Variants in ATP2A3 observed in about 807,000 individuals in gnomAD.
The protein encoded by ATP2A3 is ATPase sarcoplasmic/endoplasmic reticulum Ca2+ transporting 3.
Under a neutral mutation model 106.8 loss-of-function variants are expected in ATP2A3, and 61 were observed. The observed-to-expected ratio is 0.57, with a 90% CI of 0.46 to 0.71. The LOEUF is 0.71. ATP2A3 is among the 30% of genes least tolerant of loss of function. ATP2A3 has a pLI of 0.00. For synonymous variants in ATP2A3, 611 were observed against 609.3 expected, an observed-to-expected ratio of 1.00 and a Z score of -0.04; for missense variants, 1,201 against 1,423.5, an observed-to-expected ratio of 0.84 and a Z score of 2.52.
At position 3,928,617 on chromosome 17, in the gene ATP2A3, GC is replaced by G. The variant is rs1567675202; in HGVS notation, c.2980+45del. On this transcript the variant is annotated intron_variant, in intron 20 of 20. Coordinates refer to ENST00000397041, the MANE Select transcript of ATP2A3 (RefSeq NM_005173.4). The surrounding 1 kb of genome is among the most constrained non-coding windows in gnomAD (Gnocchi z 6.1). ...CGTCCACTGCAGCCCAGGAGCAGAG[GC>G]GGGCGGGGAGGCAGGCTGGAGGCGG... 1 of 1,477,942 alleles carries G rather than the reference GC, an allele frequency of 6.8e-7. No individual in the cohort carries two copies. Among genetic ancestry groups the G allele is most frequent in the Admixed American group, 2.0e-5 (1 of 50,908 alleles). The allele number at this position is 1,477,942 out of a possible 1,614,324, so 91.6% of individuals were successfully genotyped here.
At chr17:3,939,180 G>A (rs1020218832) in intron 14 of ATP2A3, among the ~76,000 whole-genome samples, 5 of 152,042 alleles carry the variant, frequency 3.3e-5, no homozygotes, top group Non-Finnish European at 7.4e-5. Flanking sequence ...AACAAAAAAA[G>A]AATTAGATTA....
chr17:3,927,185 C>T, intron 20 of ATP2A3: 6 of 985,460 alleles, frequency 6.1e-6, no homozygotes, highest in Non-Finnish European at 6.0e-6. Flanking sequence ...AGCCTGTCCC[C>T]TCCCGCTAGG....
rs1218370277 is a variant in ATP2A3, at chr17:3,925,207, C to T, written c.*215G>A. 1.9e-5 allele frequency: 13 copies of T among 700,622 alleles called. No homozygotes were observed. The highest frequency in any genetic ancestry group is 2.9e-5 in the Non-Finnish European group (12 of 415,542). 43.4% of individuals were successfully genotyped at this position (700,622 alleles called of 1,614,324 possible). A position where few individuals can be genotyped will look rare whatever the true frequency, so the allele number is the denominator to read the frequency against. ...GAACTTCCCAGGAGAGTCCAGGAGA[C>T]AGGAATTACAGACCTCCCAGGCCAG... is the stretch of plus-strand genomic sequence containing the variant. On this transcript the variant is annotated 3_prime_UTR_variant, in exon 21 of 21. Coordinates refer to ENST00000397041, the MANE Select transcript of ATP2A3 (RefSeq NM_005173.4). The surrounding 1 kb of genome is among the most constrained non-coding windows in gnomAD (Gnocchi z 4.2).
At chr17:3,954,300 C>A (rs2054627982) in intron 1 of ATP2A3, among the ~76,000 whole-genome samples, 1 of 151,998 alleles carries the variant, frequency 6.6e-6, no homozygotes, top group Non-Finnish European at 1.5e-5. Flanking sequence ...CAGCAGGGCT[C>A]CCCTGGACAG....
chr17:3,959,434 T>C (rs2055011952), intron 1 of ATP2A3, among the ~76,000 whole-genome samples: 1 of 152,192 alleles, frequency 6.6e-6, no homozygotes, highest in Admixed American at 6.5e-5. Flanking sequence ...AGTCATTGTT[T>C]ACTCAGTTGC....
At position 3,953,353 on chromosome 17, in the gene ATP2A3, G is replaced by C; in HGVS notation, c.213C>G (p.Val71=). Residue 71 remains valine, a synonymous_variant, in exon 3 of 21, where the codon GTC becomes GTG. Transcript: ENST00000397041. The surrounding 1 kb of genome is among the most constrained non-coding windows in gnomAD (Gnocchi z 5.1). ...LVRILLLAAL[V]SFVLAWFEEG... ...CTGGCAGGGCCCTACTTACAAAGGAGACAAGGGCAGCCAGCAGCAGGATGC... is the reference window on the plus strand; with the variant it reads ...CTGGCAGGGCCCTACTTACAAAGGACACAAGGGCAGCCAGCAGCAGGATGC... 6.2e-7 allele frequency: 1 copy of C among 1,613,942 alleles called. No individual in the cohort carries two copies. Among genetic ancestry groups the C allele is most frequent in the Non-Finnish European group, 8.5e-7 (1 of 1,179,986 alleles).
chr17:3,932,391 G>A (rs1222991569), intron 17 of ATP2A3, among the ~76,000 whole-genome samples: 2 of 151,964 alleles, frequency 1.3e-5, no homozygotes, highest in African/African-American at 4.8e-5. Context: ...TGATCCACCC[G>A]CCTCGGCCTC....
At position 3,947,140 on chromosome 17, in the gene ATP2A3, G is replaced by A. The variant is rs118009893; in HGVS notation, c.1095+251C>T. 3.5e-4 allele frequency among the ~76,000 whole-genome samples: 53 copies of A among 152,336 alleles called. No individual in the cohort carries two copies. The highest frequency in any genetic ancestry group is 6.0e-4 in the Non-Finnish European group (41 of 68,032). On this transcript the variant is annotated intron_variant, in intron 8 of 20. Transcript: ENST00000397041. This position sits in a 1 kb window ranked among gnomAD's most constrained non-coding sequence, Gnocchi z 7.7. ...CCAGGCTTCCAATGAGGAGACTGAG[G>A]TTAACAGACTGTCAGCAACCTGGCC...
Position 3,953,500 on chromosome 17 carries a change from C to T in ATP2A3, c.137-71G>A, listed in dbSNP as rs1009481231. ...CTGCCCACTCAGAGCTGGGATGGCC[C>T]GGGAGACCTCCCGGCCCATTCCCTC... On this transcript the variant is annotated intron_variant, in intron 2 of 20. Coordinates refer to ENST00000397041, the MANE Select transcript of ATP2A3 (RefSeq NM_005173.4). This position sits in a 1 kb window ranked among gnomAD's most constrained non-coding sequence, Gnocchi z 5.1. 1.7e-5 allele frequency: 27 copies of T among 1,564,892 alleles called. No homozygotes were observed. Among genetic ancestry groups the T allele is most frequent in the Middle Eastern group, 1.7e-4 (1 of 5,966 alleles).
chr17:3,927,141 G>A (rs1442236799), intron 20 of ATP2A3: 1 of 985,358 alleles, frequency 1.0e-6, no homozygotes, highest in Non-Finnish European at 1.2e-6. Flanking sequence ...CCTCACTCCT[G>A]GCCCAGCAGG....
chr17:3,926,803 A>G lies in ATP2A3; in HGVS notation c.2981-1362T>C, dbSNP rs1367972737. 17 of 949,914 alleles carry G rather than the reference A, an allele frequency of 1.8e-5. No individual in the cohort carries two copies. In the South Asian group the frequency reaches 3.9e-4, roughly 22 times the overall value. The allele number at this position is 949,914 out of a possible 1,614,324, so 58.8% of individuals were successfully genotyped here. On this transcript the variant is annotated intron_variant, in intron 20 of 20. Coordinates refer to ENST00000397041, the MANE Select transcript of ATP2A3 (RefSeq NM_005173.4). This position sits in a 1 kb window ranked among gnomAD's most constrained non-coding sequence, Gnocchi z 4.6. The stretch of plus-strand genomic sequence containing the variant: ...CAGGCTGGTCTCTAACTCCTGACTC[A>G]GGTGATCTGCCCACCTCGGCCTCCC...
intron 1 of ATP2A3, among the ~76,000 whole-genome samples, chr17:3,960,846 A>AC (rs2055098063): frequency 6.6e-6 from 1 of 151,938 alleles, no homozygotes; most frequent in Non-Finnish European, 1.5e-5. Flanking sequence ...CCACAGTTCC[A>AC]CCCCCAGGAA....
rs778513372 is a variant in ATP2A3 at position 3,943,537 on chromosome 17, G to A, written c.1288-15C>T. On this transcript the variant is annotated splice_polypyrimidine_tract_variant and intron_variant, in intron 10 of 20. Coordinates refer to ENST00000397041, the MANE Select transcript of ATP2A3 (RefSeq NM_005173.4). ...ACACCCTTGGCCTGGCAAGGACCCAGGGGATAGGGAGTGAGGGGCAGGCAG... is the reference window on the plus strand; with the variant it reads ...ACACCCTTGGCCTGGCAAGGACCCAAGGGATAGGGAGTGAGGGGCAGGCAG... 33 of 1,613,866 alleles carry A rather than the reference G, an allele frequency of 2.0e-5. No homozygotes were observed. The highest frequency in any genetic ancestry group is 2.7e-5 in the Non-Finnish European group (32 of 1,179,826).
At chr17:3,963,738 G>A (rs917756130) in intron 1 of ATP2A3, among the ~76,000 whole-genome samples, 1 of 152,222 alleles carries the variant, frequency 6.6e-6, no homozygotes, top group African/African-American at 2.4e-5. Flanking sequence ...GGAGCCCTCA[G>A]GGGAGACCCT....
intron 14 of ATP2A3, among the ~76,000 whole-genome samples, chr17:3,937,888 G>T (rs1303297029): frequency 6.6e-6 from 1 of 152,172 alleles, no homozygotes; most frequent in Non-Finnish European, 1.5e-5. Flanking sequence ...GATGAGGTGG[G>T]GATGGGGATG....
At chr17:3,951,746 C>T in intron 3 of ATP2A3, 61 bp from the exon 4 acceptor site, 1 of 1,476,134 alleles carries the variant, frequency 6.8e-7, no homozygotes, top group Non-Finnish European at 9.3e-7. Flanking sequence ...CTCTCCTTTT[C>T]CTTGGCACCC....
intron 17 of ATP2A3, among the ~76,000 whole-genome samples, chr17:3,931,126 C>T (rs554751227): frequency 1.3e-4 from 20 of 148,898 alleles, no homozygotes; most frequent in African/African-American, 4.5e-4. Flanking sequence ...GGTGACAGAG[C>T]AAGACTCTGT....
chr17:3,930,386 C>T lies in ATP2A3; in HGVS notation c.2659G>A (p.Asp887Asn), dbSNP rs73330907. 0.011 allele frequency: 18,231 copies of T among 1,613,848 alleles called. 1,741 individuals are homozygous for T. In the African/African-American group the frequency reaches 0.21, roughly 19 times the overall value. Residue 887 changes from aspartate (D) to asparagine (N), a missense_variant, in exon 18 of 21, where the codon GAC becomes AAC. By Grantham distance (23) the Asp-to-Asn change is conservative. Transcript: ENST00000397041. The surrounding 1 kb of genome is among the most constrained non-coding windows in gnomAD (Gnocchi z 5.4). The stretch of plus-strand genomic sequence containing the variant: ...AAGCGTGACTCGAACACCTCACAGT[C>T]GATGCCGGCAAAGAGCGGGTTGTCT... The part of the protein sequence containing the change: ...SEDNPLFAGI[D>N]CEVFESRFPT...
rs1454946966 is a variant in ATP2A3 at position 3,928,659 on chromosome 17, T to G, written c.2980+4A>C. The G allele has an allele frequency of 5.8e-6, 9 of 1,549,242 alleles. No homozygotes were observed. Among genetic ancestry groups the G allele is most frequent in the Non-Finnish European group, 7.9e-6 (9 of 1,145,690 alleles). On this transcript the variant is annotated splice_donor_region_variant and intron_variant, in intron 20 of 20. Transcript: ENST00000397041. The surrounding 1 kb of genome is among the most constrained non-coding windows in gnomAD (Gnocchi z 6.1). ...CTGGAGGCGGGACGGGGCCTCCCAC[T>G]CACCGTGCATGTGGTTCCGGGACAG...
Sources: gnomAD v4.1 joint callset for allele counts (sites outside exome capture counted in the v4.1 genomes callset) on GRCh38, gnomAD v4.1.1 for gene constraint, Gnocchi (gnomAD v3.1) non-coding constraint, MANE v1.5 for transcripts, NCBI Gene and HGNC (gene_info 2026-07-23, HGNC 2026-07-21) for gene names.